FNDC3A: variants seen among roughly 807,000 people sequenced by gnomAD.
The protein encoded by FNDC3A is fibronectin type-III domain-containing protein 3A.
FNDC3A carries 32 observed loss-of-function variants against 148.9 expected under a neutral mutation model. The ratio of observed to expected loss-of-function variants is 0.21; its 90% confidence interval spans 0.16 to 0.29. The LOEUF (loss-of-function observed/expected upper bound fraction) is 0.29. Among genes scored for constraint, FNDC3A ranks in the 10% least tolerant of loss-of-function variants. The pLI is 1.00. For missense variants in FNDC3A, 1,191 were observed against 1,452.8 expected, an observed-to-expected ratio of 0.82 and a Z score of 2.93; for synonymous variants, 472 against 473.6, an observed-to-expected ratio of 1.00 and a Z score of 0.04.
intron 2 of FNDC3A, among the ~76,000 whole-genome samples, chr13:49,039,170 G>C (rs1874730468): frequency 1.3e-5 from 2 of 152,152 alleles, no homozygotes; most frequent in South Asian, 2.1e-4. Flanking sequence ...CCAAGGAATT[G>C]TGTATTACCA....
At chr13:48,993,488 T>A (rs1391355234) in intron 1 of FNDC3A, among the ~76,000 whole-genome samples, 2 of 152,338 alleles carry the variant, frequency 1.3e-5, no homozygotes, top group South Asian at 2.1e-4. Context: ...GTTTCATTTT[T>A]AAAAATCTCA....
intron 2 of FNDC3A, among the ~76,000 whole-genome samples, chr13:49,072,875 G>T (rs1183393630): frequency 6.6e-6 from 1 of 152,096 alleles, no homozygotes; most frequent in East Asian, 1.9e-4. Context: ...GAGTCTTTAG[G>T]TTTTTCTAAG....
At chr13:49,201,673 A>G in intron 23 of FNDC3A, 127 bp from the exon 24 acceptor site, 1 of 427,296 alleles carries the variant, frequency 2.3e-6, no homozygotes, top group Non-Finnish European at 4.2e-6. Flanking sequence ...CCTGGCATCA[A>G]ACTTTTGGGG....
In FNDC3A at chr13:49,186,075, C is replaced by T. The variant is rs1885552133; in HGVS notation, c.1729C>T (p.His577Tyr). 2 of 1,612,574 alleles carry T rather than the reference C, an allele frequency of 1.2e-6. No individual in the cohort carries two copies. Among genetic ancestry groups the T allele is most frequent in the Non-Finnish European group, 1.7e-6 (2 of 1,178,824 alleles). The change falls in exon 15 of 26, where the codon CAT (histidine) becomes TAT (tyrosine). Residue 577 changes from histidine (H) to tyrosine (Y), a missense_variant. Physicochemically the swap from His to Tyr is moderately conservative, Grantham distance 83. Transcript: ENST00000492622. Reference sequence around the variant, plus strand: ...AAAGCCTTCAGTGAAAGGAAAGATACATTCACACAGTTTTAAAATAACCTG... The same window carrying T: ...AAAGCCTTCAGTGAAAGGAAAGATATATTCACACAGTTTTAAAATAACCTG... Reference protein sequence around the residue: ...PVKPSVKGKIHSHSFKITWDP... With the variant: ...PVKPSVKGKIYSHSFKITWDP...
At chr13:49,134,836 TCAC>T (rs1297992084) in intron 5 of FNDC3A, among the ~76,000 whole-genome samples, 2 of 66,554 alleles carry the variant, frequency 3.0e-5, no homozygotes, top group Non-Finnish European at 5.7e-5. Flanking sequence ...AGATGGAGTT[TCAC>T]TCTTTTTTTT....
intron 8 of FNDC3A, among the ~76,000 whole-genome samples, chr13:49,150,168 G>T (rs909600865): frequency 6.6e-6 from 1 of 152,034 alleles, no homozygotes; most frequent in Non-Finnish European, 1.5e-5. Context: ...CAAACTCCTG[G>T]GCTCAAGTGA....
chr13:49,018,003 A>G (rs542696698), intron 2 of FNDC3A, among the ~76,000 whole-genome samples: 1 of 152,272 alleles, frequency 6.6e-6, no homozygotes, highest in South Asian at 2.1e-4. Context: ...CTTTTTGGGT[A>G]ACCCGACCCT....
intron 2 of FNDC3A, among the ~76,000 whole-genome samples, chr13:49,072,798 T>C (rs970690250): frequency 6.6e-6 from 1 of 152,152 alleles, no homozygotes; most frequent in Non-Finnish European, 1.5e-5. Flanking sequence ...CTACTGATTT[T>C]TGTATGTTGA....
chr13:49,006,129 G>T, intron 1 of FNDC3A, 23 bp from the exon 2 acceptor site: 1 of 830,870 alleles, frequency 1.2e-6, no homozygotes, highest in Non-Finnish European at 2.0e-6. Flanking sequence ...ACTTACAAAT[G>T]ACTATATATG....
chr13:49,207,272 T>C lies in FNDC3A; in HGVS notation c.3474T>C (p.Thr1158=), dbSNP rs1886694808. Reference sequence around the variant, plus strand: ...CACCAGCCAGCACCAACAGAGACACTGTGGAAAGCACAAGGACCCGACGGG... The same window carrying C: ...CACCAGCCAGCACCAACAGAGACACCGTGGAAAGCACAAGGACCCGACGGG... The part of the protein sequence containing the change: ...TEPPASTNRD[T]VESTRTRRAL... Residue 1158 remains threonine, a synonymous_variant, in exon 26 of 26, where the codon ACT becomes ACC. Transcript: ENST00000492622. 1 of 1,614,184 alleles carries C rather than the reference T, an allele frequency of 6.2e-7. No homozygotes were observed. The highest frequency in any genetic ancestry group is 1.3e-5 in the African/African-American group (1 of 75,048).
chr13:49,081,717 A>T (rs546037279), intron 3 of FNDC3A, among the ~76,000 whole-genome samples: 1 of 152,320 alleles, frequency 6.6e-6, no homozygotes, highest in Admixed American at 6.5e-5. Flanking sequence ...TTTTTCTGCA[A>T]AGTGGCTTCT....
At chr13:48,987,731 G>A (rs1259795369) in intron 1 of FNDC3A, among the ~76,000 whole-genome samples, 2 of 152,176 alleles carry the variant, frequency 1.3e-5, no homozygotes, top group Admixed American at 1.3e-4. Context: ...CTTTGTAAGT[G>A]TATGAACACT....
chr13:49,021,829 A>G (rs1292290693), intron 2 of FNDC3A, among the ~76,000 whole-genome samples: 1 of 152,196 alleles, frequency 6.6e-6, no homozygotes, highest in African/African-American at 2.4e-5. Context: ...ATAAAAATGC[A>G]GTATGATCAG....
Position 49,085,116 on chromosome 13 carries a change from G to C in FNDC3A, c.175+9752G>C, listed in dbSNP as rs1045880046. On this transcript the variant is annotated intron_variant, in intron 3 of 25. Coordinates refer to ENST00000492622, the MANE Select transcript of FNDC3A (RefSeq NM_001079673.2). ...ACCATTTTCTCCCTTTCTGTGCTGT[G>C]GGATCGTGATGATTATAACCACACG... Among the ~76,000 whole-genome samples the C allele has an allele frequency of 3.3e-5, 5 of 152,090 alleles. No homozygotes were observed. The East Asian group carries it at 7.7e-4, about 23-fold the overall frequency.
At chr13:48,996,371 A>G (rs1231448800) in intron 1 of FNDC3A, among the ~76,000 whole-genome samples, 2 of 152,194 alleles carry the variant, frequency 1.3e-5, no homozygotes, top group Non-Finnish European at 2.9e-5. Flanking sequence ...TGGGGGTTTC[A>G]CATCCATGGA....
At chr13:48,998,519 C>T (rs1004210845) in intron 1 of FNDC3A, among the ~76,000 whole-genome samples, 3 of 152,172 alleles carry the variant, frequency 2.0e-5, no homozygotes, top group African/African-American at 7.2e-5. Context: ...ACTTGAGTTT[C>T]ATCCCTAAGA....
intron 8 of FNDC3A, among the ~76,000 whole-genome samples, chr13:49,150,127 T>C (rs112185666): frequency 6.7e-4 from 102 of 152,240 alleles, no homozygotes; most frequent in African/African-American, 2.0e-3. Context: ...GTTTTAGAGA[T>C]GGCATCTTGC....
In FNDC3A at chr13:49,136,719, T is replaced by C. The variant is rs148790676; in HGVS notation, c.760+118T>C. ...ATGGTCCAAATAGACTGTTACAGGC[T>C]GCTGCTTTCGACAGTTTGGAAAGCC... is the stretch of plus-strand genomic sequence containing the variant. On this transcript the variant is annotated intron_variant, in intron 6 of 25. Transcript: ENST00000492622. 1.9e-4 allele frequency: 185 copies of C among 981,432 alleles called. 2 individuals are homozygous for C. Among genetic ancestry groups the C allele is most frequent in the Middle Eastern group, 1.3e-3 (4 of 3,150 alleles). 60.8% of individuals were successfully genotyped at this position (981,432 alleles called of 1,614,324 possible). A position where few individuals can be genotyped will look rare whatever the true frequency, so the allele number is the denominator to read the frequency against.
chr13:49,010,742 C>T (rs1952323212), intron 2 of FNDC3A, among the ~76,000 whole-genome samples: 1 of 152,138 alleles, frequency 6.6e-6, no homozygotes, highest in Non-Finnish European at 1.5e-5. Flanking sequence ...ATGTTTCTTC[C>T]ACATCATAAC....
Sources: gnomAD v4.1 joint callset for allele counts (sites outside exome capture counted in the v4.1 genomes callset) on GRCh38, gnomAD v4.1.1 for gene constraint, MANE v1.5 for transcripts, NCBI Gene and HGNC (gene_info 2026-07-23, HGNC 2026-07-21) for gene names.